Variants in TASP1 observed in about 807,000 individuals in gnomAD.
The protein encoded by TASP1 is taspase 1.
A neutral mutation model predicts 56.6 loss-of-function variants in TASP1; 16 were observed. The observed-to-expected ratio is 0.28, with a 90% confidence interval of 0.19 to 0.43. The LOEUF is 0.43. TASP1 is among the 20% of genes least tolerant of loss of function. TASP1 has a pLI of 1.00. For synonymous variants in TASP1, 179 were observed against 184.2 expected, an observed-to-expected ratio of 0.97 and a Z score of 0.23; for missense variants, 393 against 511.6, an observed-to-expected ratio of 0.77 and a Z score of 2.24.
At chr20:13,520,424 G>C (rs1325153004) in intron 10 of TASP1, among the ~76,000 whole-genome samples, 1 of 152,084 alleles carries the variant, frequency 6.6e-6, no homozygotes, top group East Asian at 1.9e-4. Context: ...CCAAAACAGA[G>C]ATATAGACCA....
the TASP1 span, among the ~76,000 whole-genome samples, chr20:13,280,222 T>A: frequency 1.3e-5 from 2 of 151,612 alleles, no homozygotes; most frequent in Non-Finnish European, 2.9e-5. Context: ...AATTCTCCAA[T>A]TAACTTCCTT....
chr20:13,424,597 C>T (rs1484833616), intron 12 of TASP1, among the ~76,000 whole-genome samples: 2 of 151,986 alleles, frequency 1.3e-5, no homozygotes, highest in Non-Finnish European at 1.5e-5. Flanking sequence ...CCTGTGAAAG[C>T]GCTGGCTATA....
chr20:13,546,908 C>T (rs1427814955), intron 8 of TASP1, among the ~76,000 whole-genome samples: 10 of 151,940 alleles, frequency 6.6e-5, no homozygotes, highest in Admixed American at 6.6e-4. Context: ...CTTTTATTTC[C>T]CCAAATACAA....
the TASP1 span, among the ~76,000 whole-genome samples, chr20:13,230,158 C>T: frequency 6.6e-6 from 1 of 152,118 alleles, no homozygotes; most frequent in Non-Finnish European, 1.5e-5. Flanking sequence ...TTTAATGCCT[C>T]CAAAGCAAAT....
At chr20:13,578,798 T>C (rs2047015951) in intron 6 of TASP1, among the ~76,000 whole-genome samples, 1 of 152,220 alleles carries the variant, frequency 6.6e-6, no homozygotes, top group South Asian at 2.1e-4. Flanking sequence ...TTGCAGTTCT[T>C]ACTGATCTTT....
In TASP1 at chr20:13,390,368, C is replaced by A; in HGVS notation, c.1255G>T (p.Val419Leu). ...ACACTCAGCCTGAAGGGTCAGTTCA[C>A]TGGGCTCTCCAGGCGGCACACCCCA... ...EGGVCRLESP[V>L]N is the part of the protein sequence containing the mutation. The change falls in exon 14 of 14, where the codon GTG (valine) becomes TTG (leucine). Residue 419 changes from valine to leucine, a missense_variant. Val to Leu is a conservative substitution (Grantham distance 32). Around this residue, in one of 3 missense-constraint regions of TASP1, gnomAD observed 293 missense variants for 354.2 expected, o/e 0.83. Coordinates refer to ENST00000337743, the MANE Select transcript of TASP1 (RefSeq NM_017714.3). The A allele has an allele frequency of 6.2e-7, 1 of 1,614,064 alleles. No homozygotes were observed.
At chr20:13,255,718 A>T in the TASP1 span, among the ~76,000 whole-genome samples, 24 of 152,180 alleles carry the variant, frequency 1.6e-4, no homozygotes, top group African/African-American at 5.8e-4. Flanking sequence ...CACTTCCTTC[A>T]TTCTCAACTT....
At chr20:13,280,961 G>A in the TASP1 span, among the ~76,000 whole-genome samples, 1 of 152,198 alleles carries the variant, frequency 6.6e-6, no homozygotes, top group Non-Finnish European at 1.5e-5. Flanking sequence ...AGCAGTATAT[G>A]AAGGGGATGA....
the TASP1 span, among the ~76,000 whole-genome samples, chr20:13,174,319 T>G: frequency 7.9e-5 from 12 of 152,206 alleles, no homozygotes; most frequent in Non-Finnish European, 2.9e-5. Context: ...GAGAGGCAAC[T>G]TGAACATACA....
At chr20:13,376,635 G>A in the TASP1 span, among the ~76,000 whole-genome samples, 1 of 152,250 alleles carries the variant, frequency 6.6e-6, no homozygotes, top group African/African-American at 2.4e-5. Context: ...GTAGCTTGAT[G>A]GGGATAGCAT....
the TASP1 span, among the ~76,000 whole-genome samples, chr20:13,116,087 CCT>C: frequency 6.6e-6 from 1 of 152,188 alleles, no homozygotes; most frequent in Non-Finnish European, 1.5e-5. Flanking sequence ...TCCAAAACTA[CCT>C]CGTGGAACAC....
chr20:13,562,306 A>G (rs555124227), intron 7 of TASP1, among the ~76,000 whole-genome samples: 22 of 152,286 alleles, frequency 1.4e-4, no homozygotes, highest in South Asian at 4.1e-4. Flanking sequence ...AAAAAATAAG[A>G]AAGATTTCAA....
At chr20:13,591,088 G>GA (rs1454177059) in intron 4 of TASP1, among the ~76,000 whole-genome samples, 1 of 151,282 alleles carries the variant, frequency 6.6e-6, no homozygotes, top group African/African-American at 2.4e-5. Context: ...GGAAAAGAAA[G>GA]AAAAAAACAG....
chr20:13,181,233 G>T, the TASP1 span, among the ~76,000 whole-genome samples: 2 of 152,238 alleles, frequency 1.3e-5, no homozygotes, highest in Non-Finnish European at 2.9e-5. Context: ...CTGAAAGTAT[G>T]TTCTGCACAG....
At chr20:13,603,853 T>C (rs187837987) in intron 4 of TASP1, among the ~76,000 whole-genome samples, 19 of 152,160 alleles carry the variant, frequency 1.2e-4, no homozygotes, top group African/African-American at 4.1e-4. Flanking sequence ...CTCTGTACTG[T>C]TCAATTTTAA....
Position 13,417,448 on chromosome 20 carries a change from C to T in TASP1, c.1170G>A (p.Lys390=). 1 of 1,613,896 alleles carries T rather than the reference C, an allele frequency of 6.2e-7. No individual in the cohort carries two copies. Among genetic ancestry groups the T allele is most frequent in the Non-Finnish European group, 8.5e-7 (1 of 1,179,900 alleles). ...GYMSAQDGKA[K]THISRLPPGA... ...GTTATGACCGTTTTTTCCCACTTAC[C>T]TTGGCTTTCCCATCCTGGGCTGACA... Residue 390 remains lysine (K), a splice_region_variant and synonymous_variant, in exon 13 of 14, where the codon AAG becomes AAA. Coordinates refer to ENST00000337743, the MANE Select transcript of TASP1 (RefSeq NM_017714.3).
the TASP1 span, among the ~76,000 whole-genome samples, chr20:13,358,726 T>C: frequency 9.8e-6 from 1 of 102,476 alleles, no homozygotes; most frequent in Non-Finnish European, 1.9e-5. Context: ...TTCAAAGGTG[T>C]CAGACCACAC....
At chr20:13,492,836 ATC>A (rs1311515948) in intron 10 of TASP1, among the ~76,000 whole-genome samples, 14 of 152,230 alleles carry the variant, frequency 9.2e-5, no homozygotes, top group Non-Finnish European at 1.6e-4. Flanking sequence ...TAGAGATATC[ATC>A]TCTTACAAAG....
chr20:13,283,694 A>G, the TASP1 span, among the ~76,000 whole-genome samples: 2 of 152,202 alleles, frequency 1.3e-5, no homozygotes, highest in African/African-American at 4.8e-5. Context: ...GAGAGTTCCA[A>G]ATAAATATGT....
Sources: gnomAD v4.1 joint callset for allele counts (sites outside exome capture counted in the v4.1 genomes callset) on GRCh38, gnomAD v4.1.1 for gene constraint, gnomAD v4.1.1 regional missense constraint, MANE v1.5 for transcripts, NCBI Gene and HGNC (gene_info 2026-07-23, HGNC 2026-07-21) for gene names.